CNOT1: variants seen among roughly 807,000 people sequenced by gnomAD.
CNOT1 encodes the protein CCR4-NOT transcription complex subunit 1, also known as CCR4-associated factor 1.
In CNOT1, 15 loss-of-function variants were observed where a neutral mutation model predicts 273.8. The ratio of observed to expected loss-of-function variants is 0.05; its 90% CI spans 0.04 to 0.08. The LOEUF (loss-of-function observed/expected upper bound fraction) is 0.08, where lower values mean the gene tolerates loss of function less well. Ranked by LOEUF, CNOT1 falls within the 10% of genes least tolerant of loss-of-function variation. CNOT1 has a pLI of 1.00. For missense variants in CNOT1, 1,644 were observed against 2,912.2 expected, an observed-to-expected ratio of 0.56 and a Z score of 10.02; for synonymous variants, 1,022 against 1,005.5, an observed-to-expected ratio of 1.02 and a Z score of -0.31.
At chr16:58,573,643 G>A (rs904434218) in intron 16 of CNOT1, among the ~76,000 whole-genome samples, 3 of 151,788 alleles carry the variant, frequency 2.0e-5, no homozygotes, top group Non-Finnish European at 2.9e-5. Flanking sequence ...ACCACGCCTA[G>A]CTAATTTTTT....
intron 1 of CNOT1, among the ~76,000 whole-genome samples, chr16:58,607,529 C>T (rs2152026373): frequency 6.6e-6 from 1 of 151,800 alleles, no homozygotes; most frequent in Non-Finnish European, 1.5e-5. Context: ...AAGTTCGAGA[C>T]CAGCCTGGCC....
intron 33 of CNOT1, 50 bp from the exon 34 acceptor site, chr16:58,541,670 A>AAAGTGG (rs2040098657): frequency 2.5e-6 from 4 of 1,596,088 alleles, no homozygotes; most frequent in Non-Finnish European, 3.4e-6. Context: ...TAATCAAAAT[A>AAAGTGG]AACTGTTTTG....
rs1445325754 is a variant in CNOT1 at position 58,547,228 on chromosome 16, C to A, written c.3708G>T (p.Val1236=). ...VKGQQELLYV[V]PFVAKVLESS... ...ATTCTAAGACTTTGGCAACAAAGGG[C>A]ACTACATAGAGCAATTCTTGTTGTC... Residue 1236 remains valine, a synonymous_variant, in exon 27 of 49, where the codon GTG becomes GTT. Transcript: ENST00000317147. This position sits in a 1 kb window ranked among gnomAD's most constrained non-coding sequence, Gnocchi z 4.0. 1 of 1,613,744 alleles carries A rather than the reference C, an allele frequency of 6.2e-7. No individual in the cohort carries two copies. Among genetic ancestry groups the A allele is most frequent in the African/African-American group, 1.3e-5 (1 of 74,900 alleles).
At position 58,553,849 on chromosome 16, in the gene CNOT1, T is replaced by C; in HGVS notation, c.2903A>G (p.Tyr968Cys). Residue 968 changes from tyrosine (Y) to cysteine (C), a missense_variant, in exon 22 of 49, where the codon TAT becomes TGT. This residue lies in a region of CNOT1 where 74 missense variants were observed against 184.6 expected (regional missense o/e 0.40). Coordinates refer to ENST00000317147, the MANE Select transcript of CNOT1 (RefSeq NM_016284.5). ...LDRFKNRLKD[Y>C]PQYCQHLASI... ...AGCCAAATGCTGACAATACTGGGGA[T>C]AGTCCTTCAATCTGCCAACAAAATT... is the stretch of plus-strand genomic sequence containing the variant. 4.3e-6 allele frequency: 7 copies of C among 1,609,434 alleles called. No homozygotes were observed. Among genetic ancestry groups the C allele is most frequent in the Non-Finnish European group, 5.1e-6 (6 of 1,178,868 alleles).
rs1373490460 is a variant in CNOT1, at chr16:58,607,734, AAAAAG to A, written c.-174-8228_-174-8224del. Among the ~76,000 whole-genome samples, 8 of 143,112 alleles carry A rather than the reference AAAAAG, an allele frequency of 5.6e-5. 1 individual carries two copies. Among genetic ancestry groups the A allele is most frequent in the South Asian group, 2.1e-4 (1 of 4,692 alleles). 93.9% of individuals were successfully genotyped at this position (143,112 alleles called of 152,430 possible). Reference sequence around the variant, plus strand: ...AACAGCAAAACTCAAAAAAAAAAAAAAAAAGAAAGAAAGAAAGAAAAGGGCTATCT... The same window carrying A: ...AACAGCAAAACTCAAAAAAAAAAAAAAAAGAAAGAAAGAAAAGGGCTATCT... On this transcript the variant is annotated intron_variant, in intron 1 of 48. Coordinates refer to ENST00000317147, the MANE Select transcript of CNOT1 (RefSeq NM_016284.5).
chr16:58,565,653 C>A (rs2041013587), intron 16 of CNOT1, among the ~76,000 whole-genome samples: 1 of 151,994 alleles, frequency 6.6e-6, no homozygotes, highest in African/African-American at 2.4e-5. Flanking sequence ...TTTTTAAGTA[C>A]AACTCAGGGC....
intron 18 of CNOT1, among the ~76,000 whole-genome samples, chr16:58,557,435 G>A (rs1003930846): frequency 5.9e-5 from 9 of 152,162 alleles, no homozygotes; most frequent in African/African-American, 1.7e-4. Flanking sequence ...TTAGAGCTTT[G>A]CTAGGAAGGC....
At chr16:58,577,639 T>C (rs2041504492) in intron 13 of CNOT1, among the ~76,000 whole-genome samples, 1 of 152,112 alleles carries the variant, frequency 6.6e-6, no homozygotes, top group Non-Finnish European at 1.5e-5. Context: ...TAATGTAGGA[T>C]ATTAGCTTGG....
intron 42 of CNOT1, among the ~76,000 whole-genome samples, chr16:58,531,561 A>G (rs2039779089): frequency 6.6e-6 from 1 of 152,314 alleles, no homozygotes; most frequent in East Asian, 1.9e-4. Context: ...ATTTATTCAG[A>G]TATTTATGAG....
intron 44 of CNOT1, 100 bp from the exon 45 acceptor site, chr16:58,526,238 A>C: frequency 8.2e-7 from 1 of 1,218,406 alleles, no homozygotes; most frequent in Non-Finnish European, 1.2e-6. Flanking sequence ...AACTATATAC[A>C]CTATAAATGC....
chr16:58,595,895 C>T (rs970798656), intron 2 of CNOT1, among the ~76,000 whole-genome samples: 3 of 152,156 alleles, frequency 2.0e-5, no homozygotes, highest in African/African-American at 4.8e-5. Context: ...TGGAAAGATA[C>T]TTTTGAAGAA....
At chr16:58,617,864 C>T (rs2043149418) in intron 1 of CNOT1, among the ~76,000 whole-genome samples, 1 of 152,108 alleles carries the variant, frequency 6.6e-6, no homozygotes, top group Admixed American at 6.6e-5. Context: ...TAAAAATTAG[C>T]TGGGTGTGGC....
intron 45 of CNOT1, 140 bp downstream of exon 45, chr16:58,525,849 G>A (rs973874990): frequency 4.1e-5 from 29 of 712,016 alleles, no homozygotes; most frequent in African/African-American, 3.2e-4. Flanking sequence ...AGTAAAATAC[G>A]TAAATCCAGT....
At chr16:58,590,170 A>G (rs1277067820) in intron 2 of CNOT1, among the ~76,000 whole-genome samples, 1 of 152,206 alleles carries the variant, frequency 6.6e-6, no homozygotes, top group Non-Finnish European at 1.5e-5. Flanking sequence ...TATTGCACTG[A>G]GCTTTCCTGG....
chr16:58,546,650 G>A (rs749220018), intron 28 of CNOT1, 22 bp downstream of exon 28: 2 of 1,613,686 alleles, frequency 1.2e-6, no homozygotes, highest in Admixed American at 1.7e-5. Context: ...ATGTTCCAGA[G>A]GACAAGGAAG....
chr16:58,570,078 G>A (rs1270441419), intron 16 of CNOT1, among the ~76,000 whole-genome samples: 1 of 152,148 alleles, frequency 6.6e-6, no homozygotes, highest in African/African-American at 2.4e-5. Context: ...AAGCAGTGGG[G>A]GAGCATATTC....
At chr16:58,542,390 A>C (rs751059163) in intron 32 of CNOT1, 38 bp downstream of exon 32, 6 of 1,612,984 alleles carry the variant, frequency 3.7e-6, no homozygotes, top group Non-Finnish European at 3.4e-6. Flanking sequence ...CCCTAAATTA[A>C]AAAAGAAAAT....
rs192059116 is a variant in CNOT1 at position 58,595,803 on chromosome 16, G to A, written c.102+3433C>T. On this transcript the variant is annotated intron_variant, in intron 2 of 48. Transcript: ENST00000317147. ...CACCAGTAATAAAGTATAACCAGGT[G>A]AATGGGAGAGGCAGTAACTAGCCAG... is the stretch of plus-strand genomic sequence containing the variant. 3.9e-5 allele frequency among the ~76,000 whole-genome samples: 6 copies of A among 152,286 alleles called. No homozygotes were observed. The East Asian group carries it at 1.2e-3, about 29-fold the overall frequency.
intron 2 of CNOT1, among the ~76,000 whole-genome samples, chr16:58,597,241 AG>A (rs1368862497): frequency 6.6e-6 from 1 of 152,098 alleles, no homozygotes; most frequent in Non-Finnish European, 1.5e-5. Flanking sequence ...TGGGAAGCCG[AG>A]GCGGGCACAT....
Sources: gnomAD v4.1 joint callset for allele counts (sites outside exome capture counted in the v4.1 genomes callset) on GRCh38, gnomAD v4.1.1 for gene constraint, gnomAD v4.1.1 regional missense constraint, Gnocchi (gnomAD v3.1) non-coding constraint, MANE v1.5 for transcripts, NCBI Gene and HGNC (gene_info 2026-07-23, HGNC 2026-07-21) for gene names.